The following SIK3 variants were observed in gnomAD, a reference collection of about 807,000 sequenced individuals.
SIK3 encodes the protein SIK family kinase 3.
Under a neutral mutation model 144.2 loss-of-function variants are expected in SIK3, and 28 were observed. The ratio of observed to expected loss-of-function variants is 0.19; its 90% confidence interval spans 0.14 to 0.27. SIK3 has a LOEUF of 0.27. Ranked by LOEUF, SIK3 falls within the 10% of genes least tolerant of loss-of-function variation. The pLI is 1.00. For synonymous variants in SIK3, 686 were observed against 676.3 expected (o/e 1.01, Z -0.22); for missense variants, 1,319 against 1,776.0 (o/e 0.74, Z 4.62).
At chr11:117,096,621 T>C (rs1339596050) in intron 1 of SIK3, among the ~76,000 whole-genome samples, 1 of 152,026 alleles carries the variant, frequency 6.6e-6, no homozygotes, top group African/African-American at 2.4e-5. Flanking sequence ...CTGGAGGCCC[T>C]GTGATAAAAA....
At chr11:116,936,696 C>T (rs1788556192) in intron 3 of SIK3, among the ~76,000 whole-genome samples, 2 of 152,180 alleles carry the variant, frequency 1.3e-5, no homozygotes, top group Admixed American at 1.3e-4. Context: ...CCTTTCTGCC[C>T]ATCATCCTTT....
At chr11:116,991,289 A>C (rs1950493809) in intron 1 of SIK3, among the ~76,000 whole-genome samples, 1 of 152,212 alleles carries the variant, frequency 6.6e-6, no homozygotes, top group South Asian at 2.1e-4. Flanking sequence ...TCTATCAAAA[A>C]TACAAAAATT....
chr11:116,855,138 T>C (rs1591376657), intron 21 of SIK3, among the ~76,000 whole-genome samples: 1 of 142,316 alleles, frequency 7.0e-6, no homozygotes, highest in Non-Finnish European at 1.5e-5. Flanking sequence ...TACAGCTGAA[T>C]CTAGACGATG....
At chr11:117,081,265 G>A (rs1954772118) in intron 1 of SIK3, among the ~76,000 whole-genome samples, 1 of 152,098 alleles carries the variant, frequency 6.6e-6, no homozygotes, top group Admixed American at 6.6e-5. Context: ...ATTTTGTAAG[G>A]TTTGATTATT....
At chr11:116,986,284 T>A (rs1189260345) in intron 1 of SIK3, among the ~76,000 whole-genome samples, 1 of 152,198 alleles carries the variant, frequency 6.6e-6, no homozygotes, top group East Asian at 1.9e-4. Flanking sequence ...ACTTAGTCTC[T>A]TACCTGTAAT....
intron 3 of SIK3, among the ~76,000 whole-genome samples, chr11:116,952,397 G>C (rs1345465210): frequency 6.6e-6 from 1 of 152,106 alleles, no homozygotes; most frequent in East Asian, 1.9e-4. Flanking sequence ...GCAATACCTT[G>C]TCCAAAGAAA....
intron 1 of SIK3, among the ~76,000 whole-genome samples, chr11:116,970,215 T>C (rs1049291424): frequency 6.6e-6 from 1 of 152,198 alleles, no homozygotes; most frequent in African/African-American, 2.4e-5. Flanking sequence ...AGGTCAAGGC[T>C]GCAGTGAGTT....
intron 11 of SIK3, 73 bp downstream of exon 11, chr11:116,875,085 C>A: frequency 8.5e-7 from 1 of 1,177,400 alleles, no homozygotes. Context: ...GGAAATGTGC[C>A]ATGGTAGACA....
intron 21 of SIK3, chr11:116,855,199 T>G (rs904161551): frequency 6.6e-6 from 1 of 151,896 alleles, no homozygotes; most frequent in Non-Finnish European, 1.5e-5. Context: ...TCATGTACAC[T>G]GTACTTCAAA....
chr11:117,005,326 C>T (rs1363152248), intron 1 of SIK3, among the ~76,000 whole-genome samples: 8 of 129,166 alleles, frequency 6.2e-5, no homozygotes, highest in Non-Finnish European at 9.5e-5. Flanking sequence ...CAGAGCGAGA[C>T]CCCGTCTCAG....
intron 1 of SIK3, among the ~76,000 whole-genome samples, chr11:116,960,768 G>A (rs1949315080): frequency 6.6e-6 from 1 of 151,832 alleles, no homozygotes; most frequent in South Asian, 2.1e-4. Flanking sequence ...CATGCAACCT[G>A]ATTAATATAA....
At chr11:116,847,665 C>T in intron 22 of SIK3, 57 bp from the exon 23 acceptor site, 3 of 1,606,716 alleles carry the variant, frequency 1.9e-6, no homozygotes, top group Non-Finnish European at 2.5e-6. Context: ...CTCAGGCAAC[C>T]CCTAGAGACA....
chr11:116,917,168 G>A (rs1389929568), intron 4 of SIK3, among the ~76,000 whole-genome samples: 1 of 152,048 alleles, frequency 6.6e-6, no homozygotes, highest in Non-Finnish European at 1.5e-5. Context: ...GAATCAGAGT[G>A]AAGGAGCACT....
In SIK3 at chr11:117,004,629, A is replaced by G. The variant is rs143648213; in HGVS notation, c.274-47565T>C. On this transcript the variant is annotated intron_variant, in intron 1 of 24. Coordinates refer to ENST00000445177, the MANE Select transcript of SIK3 (RefSeq NM_001366686.3). ...TGACAAAAGATAATGGGGTGGAGGA[A>G]ATAACATAGAGGCACTATTATTAAG... Among the ~76,000 whole-genome samples the G allele has an allele frequency of 5.3e-5, 8 of 152,280 alleles. No homozygotes were observed. In the East Asian group the frequency reaches 1.5e-3, roughly 29 times the overall value.
At chr11:116,923,182 C>T (rs1164008095) in intron 4 of SIK3, among the ~76,000 whole-genome samples, 1 of 152,174 alleles carries the variant, frequency 6.6e-6, no homozygotes, top group Non-Finnish European at 1.5e-5. Flanking sequence ...TCCCAAAGTG[C>T]TGGGATTACA....
intron 6 of SIK3, among the ~76,000 whole-genome samples, chr11:116,882,737 A>G (rs1298129481): frequency 1.3e-5 from 2 of 152,178 alleles, no homozygotes; most frequent in Non-Finnish European, 2.9e-5. Flanking sequence ...GGTCCAGTCA[A>G]TGGTAGGTGT....
chr11:117,091,073 A>T (rs1488222843), intron 1 of SIK3, among the ~76,000 whole-genome samples: 2 of 152,128 alleles, frequency 1.3e-5, no homozygotes, highest in Admixed American at 6.6e-5. Flanking sequence ...TTCTAACTCC[A>T]GCTCCCCCAC....
At chr11:117,015,996 A>G (rs1313197473) in intron 1 of SIK3, 1 of 152,122 alleles carries the variant, frequency 6.6e-6, no homozygotes, top group African/African-American at 2.4e-5. Context: ...GCTTTTAAAA[A>G]AGAAAAAAGT....
intron 1 of SIK3, among the ~76,000 whole-genome samples, chr11:117,057,842 T>C (rs1185966212): frequency 1.3e-5 from 2 of 152,140 alleles, no homozygotes; most frequent in African/African-American, 2.4e-5. Context: ...ATACAACTCA[T>C]AGGGTTGCTA....
Sources: gnomAD v4.1 joint callset for allele counts (sites outside exome capture counted in the v4.1 genomes callset) on GRCh38, gnomAD v4.1.1 for gene constraint, MANE v1.5 for transcripts, NCBI Gene and HGNC (gene_info 2026-07-23, HGNC 2026-07-21) for gene names.